The following DYTN variants were observed in gnomAD, a reference collection of about 807,000 sequenced individuals.
DYTN encodes the protein dystrotelin.
Under a neutral mutation model 69.6 loss-of-function variants are expected in DYTN, and 75 were observed. That is an observed-to-expected ratio of 1.08 (90% CI 0.89 to 1.31). The LOEUF (loss-of-function observed/expected upper bound fraction) is 1.31. Among genes scored for constraint, DYTN ranks in the 50% most tolerant of loss-of-function variants. The pLI is 0.00. For synonymous variants in DYTN, 252 were observed against 249.1 expected, an observed-to-expected ratio of 1.01 and a Z score of -0.11; for missense variants, 726 against 688.4, an observed-to-expected ratio of 1.05 and a Z score of -0.61.
At chr2:206,689,486 G>A (rs1323702110) in intron 9 of DYTN, among the ~76,000 whole-genome samples, 3 of 152,194 alleles carry the variant, frequency 2.0e-5, no homozygotes, top group African/African-American at 7.2e-5. Flanking sequence ...ACATAAGAAT[G>A]TTATTTTGGG....
In DYTN at chr2:206,662,820, T is replaced by C. The variant is rs192796686; in HGVS notation, c.1633+83A>G. On this transcript the variant is annotated intron_variant, in intron 11 of 11. Transcript: ENST00000452335. ...CTACATACTAGATGAACTGGAGCTG[T>C]TGGGCTGTTATAAAATCAAGTTTTT... is the stretch of plus-strand genomic sequence containing the variant. 6.3e-4 allele frequency: 961 copies of C among 1,527,252 alleles called. 6 individuals are homozygous for C. In the African/African-American group the frequency reaches 9.5e-3, roughly 15 times the overall value. 94.6% of individuals were successfully genotyped at this position (1,527,252 alleles called of 1,614,324 possible).
chr2:206,698,723 C>T (rs555973364), intron 7 of DYTN, among the ~76,000 whole-genome samples: 1 of 152,354 alleles, frequency 6.6e-6, no homozygotes, highest in African/African-American at 2.4e-5. Context: ...TGACTGTTAG[C>T]CTCAAAGCTA....
At chr2:206,672,750 C>T (rs911272136) in intron 9 of DYTN, among the ~76,000 whole-genome samples, 2 of 152,160 alleles carry the variant, frequency 1.3e-5, no homozygotes, top group Admixed American at 6.5e-5. Flanking sequence ...TATGATTGCA[C>T]GAAAGCTTAC....
At chr2:206,705,045 AGAG>A in intron 4 of DYTN, 102 bp from the exon 5 acceptor site, 1 of 939,368 alleles carries the variant, frequency 1.1e-6, no homozygotes, top group Non-Finnish European at 1.6e-6. Flanking sequence ...ATGAAAGGAA[AGAG>A]AAGGGAAAGT....
chr2:206,703,080 G>A (rs1235114902), intron 5 of DYTN, among the ~76,000 whole-genome samples: 1 of 152,190 alleles, frequency 6.6e-6, no homozygotes, highest in East Asian at 1.9e-4. Context: ...CTTCTCAGGA[G>A]CATACTGATG....
chr2:206,652,303 A>G (rs539964943), intron 11 of DYTN, among the ~76,000 whole-genome samples: 1 of 152,248 alleles, frequency 6.6e-6, no homozygotes, highest in South Asian at 2.1e-4. Context: ...GAGCATTTAT[A>G]TTTATTGTTA....
chr2:206,673,004 T>C (rs1457267778), intron 9 of DYTN, among the ~76,000 whole-genome samples: 6 of 152,048 alleles, frequency 3.9e-5, no homozygotes, highest in African/African-American at 1.4e-4. Flanking sequence ...GTCATGGGGG[T>C]TGCTGTACAG....
intron 8 of DYTN, among the ~76,000 whole-genome samples, chr2:206,694,336 G>A (rs1410241584): frequency 1.3e-5 from 2 of 152,076 alleles, no homozygotes; most frequent in Non-Finnish European, 2.9e-5. Context: ...AGAAATATTT[G>A]AAATTTAGGG....
chr2:206,677,178 G>A (rs1021217646), intron 9 of DYTN, among the ~76,000 whole-genome samples: 3 of 152,076 alleles, frequency 2.0e-5, no homozygotes, highest in African/African-American at 7.2e-5. Flanking sequence ...GAACTTCTGA[G>A]CTCAAGTGAT....
chr2:206,710,549 T>C lies in DYTN; in HGVS notation c.69A>G (p.Leu23=), dbSNP rs760778152. 5.0e-6 allele frequency: 8 copies of C among 1,612,362 alleles called. No homozygotes were observed. In the East Asian group the frequency reaches 1.3e-4, roughly 27 times the overall value. Residue 23 remains leucine (L), a synonymous_variant, in exon 2 of 12, where the codon TTA becomes TTG. Transcript: ENST00000452335. ...ENSIYRTAFK[L]QSVQTLCQLD... is the part of the protein sequence containing the mutation. ...ACTGGCACAGAGTTTGCACTGATTG[T>C]AATTTGAAGGCTGTTCTATAAATGG... is the stretch of plus-strand genomic sequence containing the variant.
chr2:206,657,456 T>C (rs1452414438), intron 11 of DYTN, among the ~76,000 whole-genome samples: 3 of 152,230 alleles, frequency 2.0e-5, no homozygotes, highest in African/African-American at 7.2e-5. Flanking sequence ...ATTTTGTTAC[T>C]GACATCACAA....
chr2:206,683,645 T>C (rs1280939136), intron 9 of DYTN, among the ~76,000 whole-genome samples: 1 of 151,990 alleles, frequency 6.6e-6, no homozygotes, highest in Non-Finnish European at 1.5e-5. Flanking sequence ...CGCCCTGCCT[T>C]ATTTCTTCTC....
intron 9 of DYTN, among the ~76,000 whole-genome samples, chr2:206,673,153 G>T (rs1182446862): frequency 6.6e-6 from 1 of 152,058 alleles, no homozygotes; most frequent in Non-Finnish European, 1.5e-5. Flanking sequence ...TCATCATTTA[G>T]CTCCCAAGCT....
intron 3 of DYTN, among the ~76,000 whole-genome samples, chr2:206,706,189 C>T (rs1700023764): frequency 6.6e-6 from 1 of 152,072 alleles, no homozygotes; most frequent in Non-Finnish European, 1.5e-5. Flanking sequence ...ATCACTTCCT[C>T]GGGCCTCAGT....
At chr2:206,666,678 C>G (rs955423298) in intron 9 of DYTN, among the ~76,000 whole-genome samples, 1 of 151,966 alleles carries the variant, frequency 6.6e-6, no homozygotes, top group Non-Finnish European at 1.5e-5. Flanking sequence ...CTCTTTTTGT[C>G]TAGTTGTTCA....
chr2:206,661,240 G>A (rs981105837), intron 11 of DYTN, among the ~76,000 whole-genome samples: 1 of 152,108 alleles, frequency 6.6e-6, no homozygotes, highest in Non-Finnish European at 1.5e-5. Flanking sequence ...TTGGTTCTTC[G>A]TTTAAGCCAC....
At chr2:206,675,145 G>GTGTGTGTGTGTA (rs1415225495) in intron 9 of DYTN, among the ~76,000 whole-genome samples, 7 of 120,444 alleles carry the variant, frequency 5.8e-5, no homozygotes, top group African/African-American at 2.4e-4. Flanking sequence ...GTGTGTGTGT[G>GTGTGTGTGTGTA]TATATATGTG....
intron 4 of DYTN, 110 bp from the exon 5 acceptor site, chr2:206,705,053 G>A: frequency 1.1e-6 from 1 of 879,786 alleles, no homozygotes; most frequent in Non-Finnish European, 1.8e-6. Flanking sequence ...AAAGAGAAGG[G>A]AAAGTTATGT....
Position 206,705,783 on chromosome 2 carries a change from G to C in DYTN, c.382+5C>G. ...TTAGGACACCCGCAGTCCTCTGCAT[G>C]TTACCTCGGTATTTTGAAAGAGGGC... On this transcript the variant is annotated splice_donor_5th_base_variant and intron_variant, in intron 4 of 11. Transcript: ENST00000452335. 2 of 1,613,450 alleles carry C rather than the reference G, an allele frequency of 1.2e-6. No individual in the cohort carries two copies. Among genetic ancestry groups the C allele is most frequent in the Non-Finnish European group, 1.7e-6 (2 of 1,179,708 alleles).
Sources: gnomAD v4.1 joint callset for allele counts (sites outside exome capture counted in the v4.1 genomes callset) on GRCh38, gnomAD v4.1.1 for gene constraint, MANE v1.5 for transcripts, NCBI Gene and HGNC (gene_info 2026-07-23, HGNC 2026-07-21) for gene names.